PTPRK: variants seen among roughly 807,000 people sequenced by gnomAD.
PTPRK encodes protein tyrosine phosphatase receptor type K.
Under a neutral mutation model 178.0 loss-of-function variants are expected in PTPRK, and 75 were observed. The observed-to-expected ratio is 0.42, with a 90% CI of 0.35 to 0.51. The LOEUF is 0.51. Ranked by LOEUF, PTPRK falls within the 20% of genes least tolerant of loss-of-function variation. The pLI is 0.02. For missense variants in PTPRK, 1,441 were observed against 1,797.8 expected, an observed-to-expected ratio of 0.80 and a Z score of 3.59; for synonymous variants, 637 against 620.6, an observed-to-expected ratio of 1.03 and a Z score of -0.39.
intron 6 of PTPRK, among the ~76,000 whole-genome samples, chr6:128,198,102 T>A (rs917438057): frequency 1.3e-5 from 2 of 152,150 alleles, no homozygotes; most frequent in Non-Finnish European, 2.9e-5. Flanking sequence ...ACTGGAGTGA[T>A]CTATACATAT....
chr6:128,121,820 T>C (rs1263520581), intron 7 of PTPRK, among the ~76,000 whole-genome samples: 1 of 152,028 alleles, frequency 6.6e-6, no homozygotes, highest in Non-Finnish European at 1.5e-5. Context: ...TGCTCTCCTG[T>C]TTAAGTTTCA....
chr6:128,478,020 G>C (rs1248379498), intron 1 of PTPRK, among the ~76,000 whole-genome samples: 1 of 152,050 alleles, frequency 6.6e-6, no homozygotes, highest in East Asian at 1.9e-4. Context: ...ACCTTACTTA[G>C]GGCAAATGTG....
At chr6:128,057,148 T>C (rs1055233075) in intron 13 of PTPRK, among the ~76,000 whole-genome samples, 13 of 152,216 alleles carry the variant, frequency 8.5e-5, no homozygotes, top group African/African-American at 2.7e-4. Flanking sequence ...AATTTTCTAA[T>C]TATTTTTCTA....
At chr6:128,392,023 C>T (rs1056823615) in intron 2 of PTPRK, among the ~76,000 whole-genome samples, 1 of 152,116 alleles carries the variant, frequency 6.6e-6, no homozygotes, top group African/African-American at 2.4e-5. Flanking sequence ...AATAAAAAAA[C>T]ACACCAAATC....
chr6:128,105,570 T>G (rs769678204), intron 7 of PTPRK, among the ~76,000 whole-genome samples: 1 of 152,220 alleles, frequency 6.6e-6, no homozygotes, highest in Non-Finnish European at 1.5e-5. Flanking sequence ...ATAAAACTCA[T>G]GAAGACAGAA....
chr6:128,281,296 G>T (rs936595667), intron 3 of PTPRK, among the ~76,000 whole-genome samples: 2 of 152,094 alleles, frequency 1.3e-5, no homozygotes, highest in African/African-American at 4.8e-5. Flanking sequence ...TGAGCTTTAG[G>T]GTCTAATGGT....
intron 2 of PTPRK, among the ~76,000 whole-genome samples, chr6:128,345,967 C>G (rs1005829317): frequency 6.6e-6 from 1 of 152,082 alleles, no homozygotes; most frequent in Non-Finnish European, 1.5e-5. Flanking sequence ...CCTCTTGTAT[C>G]CATTTTTTAA....
intron 1 of PTPRK, among the ~76,000 whole-genome samples, chr6:128,450,734 G>A (rs1194861287): frequency 1.3e-5 from 2 of 152,134 alleles, no homozygotes; most frequent in Non-Finnish European, 2.9e-5. Flanking sequence ...TAAATAGAAC[G>A]CAGTTTCACT....
chr6:128,182,531 G>A (rs1429627686), intron 7 of PTPRK, among the ~76,000 whole-genome samples: 2 of 152,066 alleles, frequency 1.3e-5, no homozygotes, highest in African/African-American at 2.4e-5. Flanking sequence ...CCAAGATCAC[G>A]CCACTGCACT....
chr6:128,053,498 G>A (rs998745811), intron 13 of PTPRK, among the ~76,000 whole-genome samples: 5 of 151,946 alleles, frequency 3.3e-5, no homozygotes, highest in African/African-American at 4.8e-5. Context: ...ACCATGCTAT[G>A]CGTCCCTGAC....
chr6:128,467,292 G>T (rs1849982847), intron 1 of PTPRK, among the ~76,000 whole-genome samples: 1 of 152,190 alleles, frequency 6.6e-6, no homozygotes, highest in South Asian at 2.1e-4. Context: ...CTAGTGCAGT[G>T]TTAACAATGG....
chr6:128,502,555 A>C (rs893401606), intron 1 of PTPRK, among the ~76,000 whole-genome samples: 2 of 152,198 alleles, frequency 1.3e-5, no homozygotes, highest in African/African-American at 4.8e-5. Flanking sequence ...CCATATGCCA[A>C]ATTATAAGGC....
At chr6:128,421,192 T>C (rs1843432305) in intron 1 of PTPRK, among the ~76,000 whole-genome samples, 1 of 152,194 alleles carries the variant, frequency 6.6e-6, no homozygotes, top group African/African-American at 2.4e-5. Flanking sequence ...AAGAAATGTA[T>C]TAGAATATTT....
chr6:128,344,570 G>T (rs1832143744), intron 2 of PTPRK, among the ~76,000 whole-genome samples: 1 of 151,854 alleles, frequency 6.6e-6, no homozygotes, highest in Non-Finnish European at 1.5e-5. Flanking sequence ...TGTCCTGGCA[G>T]ATCATGGCGA....
At chr6:128,317,800 T>C (rs1156243053) in intron 3 of PTPRK, among the ~76,000 whole-genome samples, 1 of 152,134 alleles carries the variant, frequency 6.6e-6, no homozygotes, top group East Asian at 1.9e-4. Context: ...GGAACATCTT[T>C]CCCAGAAGTT....
chr6:128,182,921 A>G (rs1009986187), intron 7 of PTPRK, among the ~76,000 whole-genome samples: 1 of 152,206 alleles, frequency 6.6e-6, no homozygotes, highest in African/African-American at 2.4e-5. Context: ...AAATAAAAAA[A>G]TAAAGCAGGT....
At chr6:128,437,411 C>A (rs1484516181) in intron 1 of PTPRK, among the ~76,000 whole-genome samples, 1 of 152,100 alleles carries the variant, frequency 6.6e-6, no homozygotes, top group Non-Finnish European at 1.5e-5. Flanking sequence ...TACTCTGCAA[C>A]TAAGTAGTAT....
At chr6:128,317,935 G>A (rs1018955394) in intron 3 of PTPRK, among the ~76,000 whole-genome samples, 1 of 152,114 alleles carries the variant, frequency 6.6e-6, no homozygotes, top group Admixed American at 6.5e-5. Flanking sequence ...AAAGCTAGGA[G>A]AATAACTAAT....
intron 3 of PTPRK, among the ~76,000 whole-genome samples, chr6:128,294,618 A>T (rs1823956578): frequency 6.6e-6 from 1 of 152,078 alleles, no homozygotes; most frequent in Non-Finnish European, 1.5e-5. Context: ...AGTTTATTGC[A>T]TTTCATCTCT....
Sources: gnomAD v4.1 joint callset for allele counts (sites outside exome capture counted in the v4.1 genomes callset) on GRCh38, gnomAD v4.1.1 for gene constraint, MANE v1.5 for transcripts, NCBI Gene and HGNC (gene_info 2026-07-23, HGNC 2026-07-21) for gene names.